HDAC9: variants seen among roughly 807,000 people sequenced by gnomAD.
The protein encoded by HDAC9 is MEF-2 interacting transcription repressor (MITR) protein.
HDAC9 carries 41 observed loss-of-function variants against 139.4 expected under a neutral mutation model. The ratio of observed to expected loss-of-function variants is 0.29; its 90% CI spans 0.23 to 0.38. HDAC9 has a LOEUF of 0.38. Ranked by LOEUF, HDAC9 falls within the 10% of genes least tolerant of loss-of-function variation. The probability of loss-of-function intolerance (pLI) is 1.00; values close to 1 mark genes in which losing one functional copy is unlikely to be tolerated. For missense variants in HDAC9, 1,147 were observed against 1,297.0 expected (o/e 0.88, Z 1.78); for synonymous variants, 517 against 476.2 (o/e 1.09, Z -1.12).
At chr7:18,294,068 A>G (rs1797987647) in intron 1 of HDAC9, among the ~76,000 whole-genome samples, 1 of 152,150 alleles carries the variant, frequency 6.6e-6, no homozygotes, top group African/African-American at 2.4e-5. Context: ...TTTATTCACA[A>G]TTGCTTAGCA....
chr7:18,960,609 G>T (rs1783464779), intron 24 of HDAC9, among the ~76,000 whole-genome samples: 1 of 152,078 alleles, frequency 6.6e-6, no homozygotes, highest in African/African-American at 2.4e-5. Context: ...GTATTAGAAT[G>T]AATAATCAAA....
intron 17 of HDAC9, among the ~76,000 whole-genome samples, chr7:18,824,896 A>G (rs1049924956): frequency 1.3e-5 from 2 of 151,964 alleles, no homozygotes; most frequent in East Asian, 3.8e-4. Flanking sequence ...ATATAACTGC[A>G]TACATTTGAG....
At chr7:18,224,634 G>C (rs569456082) in intron 2 of HDAC9, among the ~76,000 whole-genome samples, 5 of 152,076 alleles carry the variant, frequency 3.3e-5, no homozygotes, top group South Asian at 2.1e-4. Flanking sequence ...CATTCACATG[G>C]AGGCTCTTTC....
At chr7:18,682,557 C>G (rs1781960176) in intron 12 of HDAC9, among the ~76,000 whole-genome samples, 1 of 151,970 alleles carries the variant, frequency 6.6e-6, no homozygotes, top group Admixed American at 6.6e-5. Context: ...TATTGGGAAA[C>G]ACCCATGTTC....
At chr7:18,318,208 G>A (rs998375901) in intron 1 of HDAC9, among the ~76,000 whole-genome samples, 5 of 152,184 alleles carry the variant, frequency 3.3e-5, no homozygotes, top group Non-Finnish European at 7.3e-5. Flanking sequence ...AGAGCCCTTC[G>A]TGAAGTAAGG....
chr7:18,609,216 A>G (rs1324411562), intron 6 of HDAC9, among the ~76,000 whole-genome samples: 1 of 152,228 alleles, frequency 6.6e-6, no homozygotes, highest in African/African-American at 2.4e-5. Context: ...GAAGAGTTCT[A>G]TATTGGCATG....
chr7:18,389,332 G>C (rs1786243908), intron 1 of HDAC9, among the ~76,000 whole-genome samples: 1 of 152,192 alleles, frequency 6.6e-6, no homozygotes, highest in Non-Finnish European at 1.5e-5. Context: ...ATTCACGTAA[G>C]AGTCCTGGAG....
chr7:18,677,963 C>G (rs929476960), intron 12 of HDAC9, among the ~76,000 whole-genome samples: 1 of 151,752 alleles, frequency 6.6e-6, no homozygotes, highest in African/African-American at 2.4e-5. Flanking sequence ...AATGAAAGAG[C>G]AATTTTGAGT....
At chr7:18,136,911 C>G (rs1187169004) in intron 1 of HDAC9, among the ~76,000 whole-genome samples, 2 of 151,562 alleles carry the variant, frequency 1.3e-5, no homozygotes, top group African/African-American at 4.9e-5. Flanking sequence ...GCCATTTTCA[C>G]GATATTGATT....
intron 22 of HDAC9, among the ~76,000 whole-genome samples, chr7:18,887,473 C>G (rs1800264770): frequency 1.3e-5 from 2 of 152,052 alleles, no homozygotes; most frequent in African/African-American, 4.8e-5. Flanking sequence ...CTTTTTATTC[C>G]TAACAGAAAT....
chr7:18,308,540 A>G (rs1324450134), intron 1 of HDAC9, among the ~76,000 whole-genome samples: 1 of 152,120 alleles, frequency 6.6e-6, no homozygotes, highest in African/African-American at 2.4e-5. Flanking sequence ...AGATATATAA[A>G]AGTTTTGGTG....
At chr7:18,568,739 C>T (rs1344661285) in intron 2 of HDAC9, among the ~76,000 whole-genome samples, 1 of 152,152 alleles carries the variant, frequency 6.6e-6, no homozygotes, top group African/African-American at 2.4e-5. Flanking sequence ...GTCACAGGGA[C>T]ATCCCACCAT....
intron 2 of HDAC9, among the ~76,000 whole-genome samples, chr7:18,554,592 C>T (rs965794349): frequency 6.6e-6 from 1 of 152,168 alleles, no homozygotes; most frequent in Non-Finnish European, 1.5e-5. Context: ...GCCTCGGCCT[C>T]CCAAAGTGCT....
At chr7:18,965,452 G>T (rs1783782069) in intron 24 of HDAC9, among the ~76,000 whole-genome samples, 1 of 152,194 alleles carries the variant, frequency 6.6e-6, no homozygotes, top group African/African-American at 2.4e-5. Flanking sequence ...CATGTTGGGA[G>T]ATTATCTTGG....
chr7:18,173,327 A>G (rs993543810), intron 2 of HDAC9, among the ~76,000 whole-genome samples: 1 of 151,842 alleles, frequency 6.6e-6, no homozygotes, highest in Non-Finnish European at 1.5e-5. Context: ...CCATCCCTTT[A>G]TTTTGAGCCT....
chr7:18,965,614 T>C (rs1445214592), intron 24 of HDAC9, among the ~76,000 whole-genome samples: 1 of 152,218 alleles, frequency 6.6e-6, no homozygotes, highest in Non-Finnish European at 1.5e-5. Context: ...TCCTTGTAGG[T>C]ATCTAGAGTT....
At chr7:18,694,308 G>C (rs1390025571) in intron 12 of HDAC9, among the ~76,000 whole-genome samples, 3 of 152,160 alleles carry the variant, frequency 2.0e-5, no homozygotes, top group Non-Finnish European at 2.9e-5. Context: ...AGGATCTAAT[G>C]AATGTGTTGA....
At position 18,648,470 on chromosome 7, in the gene HDAC9, A is replaced by C; in HGVS notation, c.1254A>C (p.Gly418=). ...MRQQKLLVAG[G]VPLHPQSPLA... ...TACATGTATTTTTTTTTTCAGGTGG[A>C]GTTCCCTTACATCCTCAGTCTCCCT... is the stretch of plus-strand genomic sequence containing the variant. The change falls in exon 11 of 26, where the codon GGA becomes GGC. Residue 418 remains glycine, a synonymous_variant. Coordinates refer to ENST00000686413, the MANE Select transcript of HDAC9 (RefSeq NM_178425.4). 6.2e-7 allele frequency: 1 copy of C among 1,608,828 alleles called. No individual in the cohort carries two copies. The highest frequency in any genetic ancestry group is 8.5e-7 in the Non-Finnish European group (1 of 1,178,232).
At chr7:18,384,120 A>C (rs564190931) in intron 1 of HDAC9, among the ~76,000 whole-genome samples, 9 of 152,132 alleles carry the variant, frequency 5.9e-5, no homozygotes, top group African/African-American at 2.2e-4. Context: ...AGATGAATCT[A>C]GGCAACATAG....
Sources: gnomAD v4.1 joint callset for allele counts (sites outside exome capture counted in the v4.1 genomes callset) on GRCh38, gnomAD v4.1.1 for gene constraint, MANE v1.5 for transcripts, NCBI Gene and HGNC (gene_info 2026-07-23, HGNC 2026-07-21) for gene names.